The following CACFD1 variants were observed in gnomAD, a reference collection of about 807,000 sequenced individuals.
CACFD1 encodes the protein calcium channel flower domain containing 1.
In CACFD1, 26 loss-of-function variants were observed where a neutral mutation model predicts 21.3. The ratio of observed to expected loss-of-function variants is 1.22; its 90% CI spans 0.89 to 1.69. The LOEUF (loss-of-function observed/expected upper bound fraction) is 1.69, where lower values mean the gene tolerates loss of function less well. Ranked by LOEUF, CACFD1 falls within the 40% of genes most tolerant of loss-of-function variation. The pLI, the probability that CACFD1 is intolerant of heterozygous loss-of-function variation, is 0.00. For missense variants in CACFD1, 265 were observed against 236.2 expected (o/e 1.12, Z -0.80); for synonymous variants, 121 against 106.6 (o/e 1.13, Z -0.83).
In CACFD1 at chr9:133,460,011, G is replaced by C; in HGVS notation, c.-56G>C. Reference sequence around the variant, plus strand: ...CACAAGGCAGCGCGCCGGCTCGGACGCGGCCGGCTACCGAGCCCTTTGTGA... The same window carrying C: ...CACAAGGCAGCGCGCCGGCTCGGACCCGGCCGGCTACCGAGCCCTTTGTGA... On this transcript the variant is annotated 5_prime_UTR_variant, in exon 1 of 5. Transcript: ENST00000316948. 6.8e-7 allele frequency: 1 copy of C among 1,471,330 alleles called. No homozygotes were observed. The highest frequency in any genetic ancestry group is 9.0e-7 in the Non-Finnish European group (1 of 1,112,652). The allele number at this position is 1,471,330 out of a possible 1,614,324, so 91.1% of individuals were successfully genotyped here.
rs1843381478 is a variant in CACFD1, at chr9:133,465,127, T to C, written c.195-195T>C. The stretch of plus-strand genomic sequence containing the variant: ...TGGGTGTGCAGGAGCAGCTGGGGAG[T>C]GCTGGAGTCTTCAGCAGAGGCTCTC... On this transcript the variant is annotated intron_variant, in intron 2 of 4. Coordinates refer to ENST00000316948, the MANE Select transcript of CACFD1 (RefSeq NM_017586.5). The surrounding 1 kb of genome is among the most constrained non-coding windows in gnomAD (Gnocchi z 5.0). 2 of 612,070 alleles carry C rather than the reference T, an allele frequency of 3.3e-6. No individual in the cohort carries two copies. Among genetic ancestry groups the C allele is most frequent in the East Asian group, 2.8e-5 (1 of 35,902 alleles). 37.9% of individuals were successfully genotyped at this position (612,070 alleles called of 1,614,324 possible).
intron 4 of CACFD1, 85 bp downstream of exon 4, chr9:133,468,113 C>T: frequency 8.3e-7 from 1 of 1,207,238 alleles, no homozygotes. Context: ...CTGAGAGTGG[C>T]CCCTTTTAGC....
At position 133,460,058 on chromosome 9, in the gene CACFD1, G is replaced by A. The variant is rs1554797871; in HGVS notation, c.-9G>A. On this transcript the variant is annotated 5_prime_UTR_variant, in exon 1 of 5. Coordinates refer to ENST00000316948, the MANE Select transcript of CACFD1 (RefSeq NM_017586.5). ...GTGAGGGCTGTGAGCTGCGCCTGAC[G>A]GTGGCACCATGAGCAGCTCAGGTGG... 2 of 1,555,728 alleles carry A rather than the reference G, an allele frequency of 1.3e-6. No homozygotes were observed. Among genetic ancestry groups the A allele is most frequent in the Non-Finnish European group, 1.7e-6 (2 of 1,151,104 alleles).
intron 1 of CACFD1, 100 bp downstream of exon 1, chr9:133,460,287 G>T (rs1564452813): frequency 4.4e-6 from 5 of 1,129,734 alleles, no homozygotes; most frequent in Non-Finnish European, 5.8e-6. Context: ...GAAAGGACCC[G>T]CTGGGGGTCG....
intron 2 of CACFD1, among the ~76,000 whole-genome samples, chr9:133,464,413 G>A (rs1368602413): frequency 6.6e-6 from 1 of 152,182 alleles, no homozygotes; most frequent in Non-Finnish European, 1.5e-5. Context: ...GTTTGAAGTG[G>A]AAGGGCTGGC....
chr9:133,467,844 G>A (rs1381147455), intron 3 of CACFD1, 77 bp from the exon 4 acceptor site: 5 of 1,067,932 alleles, frequency 4.7e-6, no homozygotes, highest in Non-Finnish European at 7.2e-6. Flanking sequence ...AAGGATGCTG[G>A]GCCGAGTCTG....
chr9:133,461,323 C>G (rs1843206890), intron 1 of CACFD1, among the ~76,000 whole-genome samples: 1 of 152,216 alleles, frequency 6.6e-6, no homozygotes, highest in African/African-American at 2.4e-5. Context: ...TAGGCATGCC[C>G]TTATCCAGAG....
chr9:133,468,716 T>C lies in CACFD1; in HGVS notation c.*63T>C. 10 of 1,506,736 alleles carry C rather than the reference T, an allele frequency of 6.6e-6. No homozygotes were observed. The highest frequency in any genetic ancestry group is 6.2e-6 in the Non-Finnish European group (7 of 1,128,442). The allele number at this position is 1,506,736 out of a possible 1,614,324, so 93.3% of individuals were successfully genotyped here. On this transcript the variant is annotated 3_prime_UTR_variant, in exon 5 of 5. Transcript: ENST00000316948. ...GCTCTGTGTGGGTCCAAGTGAGGCC[T>C]GGACTGTCCACGCTGAGGCACAGCC... is the stretch of plus-strand genomic sequence containing the variant.
Position 133,463,508 on chromosome 9 carries a change from C to T in CACFD1, c.147C>T (p.Asn49=), listed in dbSNP as rs782662490. Residue 49 remains asparagine (N), a synonymous_variant, in exon 2 of 5, where the codon AAC becomes AAT. Coordinates refer to ENST00000316948, the MANE Select transcript of CACFD1 (RefSeq NM_017586.5). ...AVSCAISGLF[N]CITIHPLNIA... ...CTTGCGCGATCTCTGGCCTCTTCAA[C>T]TGCATCACCATCCACCCTCTGAACA... 6.8e-6 allele frequency: 11 copies of T among 1,614,158 alleles called. No homozygotes were observed. The East Asian group carries it at 1.8e-4, about 26-fold the overall frequency.
chr9:133,460,254 G>C, intron 1 of CACFD1, 67 bp downstream of exon 1: 1 of 1,358,078 alleles, frequency 7.4e-7, no homozygotes, highest in Non-Finnish European at 9.6e-7. Flanking sequence ...GCCCTGCCCC[G>C]CCCCGCCCCG....
chr9:133,468,558 C>T lies in CACFD1; in HGVS notation c.429-5C>T, dbSNP rs1554800100. The T allele has an allele frequency of 6.4e-7, 1 of 1,574,532 alleles. No homozygotes were observed. Among genetic ancestry groups the T allele is most frequent in the Non-Finnish European group, 8.6e-7 (1 of 1,161,926 alleles). On this transcript the variant is annotated splice_polypyrimidine_tract_variant and splice_region_variant and intron_variant, in intron 4 of 4. Transcript: ENST00000316948. ...CCACGTGACGCTGCCTCTCTCTCTC[C>T]CCAGGGGCGATGCGATCTCCTATGC...
At position 133,465,411 on chromosome 9, in the gene CACFD1, G is replaced by T. The variant is rs34503184; in HGVS notation, c.284G>T (p.Arg95Leu). The T allele has an allele frequency of 6.2e-7, 1 of 1,613,656 alleles. No homozygotes were observed. The highest frequency in any genetic ancestry group is 1.7e-5 in the Admixed American group (1 of 59,972). Residue 95 changes from arginine (R) to leucine (L), a missense_variant, in exon 3 of 5, where the codon CGG (arginine) becomes CTG (leucine). Arg to Leu is a moderately radical substitution (Grantham distance 102, BLOSUM62 -2). Transcript: ENST00000316948. The surrounding 1 kb of genome is among the most constrained non-coding windows in gnomAD (Gnocchi z 5.0). ...FANTVAEKVDRLRSWQKAVFY... is the reference protein window; with the variant it reads ...FANTVAEKVDLLRSWQKAVFY... ...AACACAGTGGCGGAGAAGGTGGACC[G>T]GCTGCGCTCCTGGCAGAAGGCTGTC...
chr9:133,462,419 A>G (rs782567095), intron 1 of CACFD1, among the ~76,000 whole-genome samples: 26 of 152,214 alleles, frequency 1.7e-4, no homozygotes, highest in Non-Finnish European at 2.9e-4. Flanking sequence ...AAGCAGTCCC[A>G]TTGCAGTTCG....
rs1380127769 is a variant in CACFD1, at chr9:133,470,803, TGA to T, written c.*2152_*2153del. 2 of 152,384 alleles carry T rather than the reference TGA, an allele frequency of 1.3e-5. No homozygotes were observed. The highest frequency in any genetic ancestry group is 2.9e-5 in the Non-Finnish European group (2 of 68,222). 9.4% of individuals were successfully genotyped at this position (152,384 alleles called of 1,614,324 possible). A position where few individuals can be genotyped will look rare whatever the true frequency, so the allele number is the denominator to read the frequency against. ...TCCCTTCTGCCTTGGTGCCTGTGTG[TGA>T]GTGTGGAAGCCAGGCAGGAGCCGCT... is the stretch of plus-strand genomic sequence containing the variant. On this transcript the variant is annotated 3_prime_UTR_variant, in exon 5 of 5. Coordinates refer to ENST00000316948, the MANE Select transcript of CACFD1 (RefSeq NM_017586.5).
chr9:133,461,019 G>A (rs587716486), intron 1 of CACFD1, among the ~76,000 whole-genome samples: 5 of 131,458 alleles, frequency 3.8e-5, no homozygotes, highest in African/African-American at 1.4e-4. Context: ...TCCAGGGAAA[G>A]ACAAGTCTGT....
intron 4 of CACFD1, 72 bp from the exon 5 acceptor site, chr9:133,468,491 C>G (rs1473346003): frequency 1.3e-6 from 2 of 1,543,166 alleles, no homozygotes; most frequent in African/African-American, 2.7e-5. Flanking sequence ...AGGGCAGGAA[C>G]CGGGCAGTGG....
chr9:133,460,577 G>A (rs898162521), intron 1 of CACFD1, among the ~76,000 whole-genome samples: 3 of 151,714 alleles, frequency 2.0e-5, no homozygotes, highest in Non-Finnish European at 4.4e-5. Context: ...CGGGGCGCAT[G>A]CCCACCTGGC....
At chr9:133,461,396 C>T (rs1418251056) in intron 1 of CACFD1, among the ~76,000 whole-genome samples, 1 of 152,252 alleles carries the variant, frequency 6.6e-6, no homozygotes, top group Admixed American at 6.5e-5. Context: ...GTTTGTGTCA[C>T]TGCTCTTCAG....
chr9:133,466,574 T>C (rs587709257), intron 3 of CACFD1, among the ~76,000 whole-genome samples: 2 of 137,472 alleles, frequency 1.5e-5, no homozygotes, highest in East Asian at 4.1e-4. Context: ...CGAGGTGTGA[T>C]AAACATGTGT....
Sources: allele counts gnomAD v4.1 joint callset (sites outside exome capture counted in the v4.1 genomes callset), GRCh38; gene constraint gnomAD v4.1.1; non-coding constraint Gnocchi (gnomAD v3.1); transcripts MANE v1.5; gene names NCBI Gene and HGNC (gene_info 2026-07-23, HGNC 2026-07-21).